Variants in METTL25 observed in about 807,000 individuals in gnomAD.
METTL25 encodes the protein probable methyltransferase-like protein 25.
In METTL25, 64 loss-of-function variants were observed where a neutral mutation model predicts 71.6. That is an observed-to-expected ratio of 0.89 (90% confidence interval 0.73 to 1.10). The LOEUF is 1.10. Among genes scored for constraint, METTL25 ranks in the 50% least tolerant of loss-of-function variants. The pLI, the probability that METTL25 is intolerant of heterozygous loss-of-function variation, is 0.00. For synonymous variants in METTL25, 287 were observed against 250.3 expected (o/e 1.15, Z -1.38); for missense variants, 807 against 707.0 (o/e 1.14, Z -1.60).
intron 6 of METTL25, among the ~76,000 whole-genome samples, chr12:82,431,457 A>G (rs967238005): frequency 6.6e-6 from 1 of 151,688 alleles, no homozygotes; most frequent in Non-Finnish European, 1.5e-5. Context: ...AAATGAGTTA[A>G]ATAATGTAAG....
intron 5 of METTL25, among the ~76,000 whole-genome samples, chr12:82,416,152 G>A (rs112453224): frequency 1.4e-3 from 206 of 152,142 alleles, no homozygotes; most frequent in African/African-American, 4.8e-3. Context: ...TATAATCATC[G>A]TGCTGTGATT....
intron 5 of METTL25, among the ~76,000 whole-genome samples, chr12:82,428,206 C>G (rs1889194974): frequency 6.6e-6 from 1 of 151,870 alleles, no homozygotes; most frequent in South Asian, 2.1e-4. Context: ...ATTCAACTGG[C>G]CACAACCTAC....
intron 9 of METTL25, among the ~76,000 whole-genome samples, chr12:82,460,222 C>T (rs973977880): frequency 1.3e-5 from 2 of 152,120 alleles, no homozygotes; most frequent in African/African-American, 4.8e-5. Flanking sequence ...TCTAGACCCC[C>T]CTTATATAGA....
At chr12:82,434,800 T>A in intron 7 of METTL25, 76 bp downstream of exon 7, 1 of 1,159,796 alleles carries the variant, frequency 8.6e-7, no homozygotes, top group South Asian at 1.3e-5. Flanking sequence ...GCTGATGAAC[T>A]TAAAACCTAA....
chr12:82,450,336 T>C (rs543053420), intron 8 of METTL25, among the ~76,000 whole-genome samples: 1 of 152,336 alleles, frequency 6.6e-6, no homozygotes, highest in Admixed American at 6.5e-5. Context: ...TCCTTGACTC[T>C]TCTTTCTCAC....
intron 5 of METTL25, among the ~76,000 whole-genome samples, chr12:82,409,809 C>G (rs749240394): frequency 2.6e-5 from 4 of 152,028 alleles, no homozygotes; most frequent in Non-Finnish European, 5.9e-5. Flanking sequence ...CCAAAGATTC[C>G]TCCATTTACT....
intron 5 of METTL25, among the ~76,000 whole-genome samples, chr12:82,427,745 G>T (rs891779030): frequency 2.0e-5 from 3 of 151,846 alleles, no homozygotes; most frequent in Non-Finnish European, 4.4e-5. Context: ...TGTTTCCCTT[G>T]TTCCCTGGGT....
intron 5 of METTL25, among the ~76,000 whole-genome samples, chr12:82,427,161 C>A (rs1472602817): frequency 6.6e-6 from 1 of 151,892 alleles, no homozygotes; most frequent in Non-Finnish European, 1.5e-5. Flanking sequence ...TAATCAAAAC[C>A]TAGCTCTTGT....
At chr12:82,467,044 C>A (rs558224482) in intron 9 of METTL25, among the ~76,000 whole-genome samples, 1 of 151,610 alleles carries the variant, frequency 6.6e-6, no homozygotes, top group Non-Finnish European at 1.5e-5. Flanking sequence ...GCCAGAATAT[C>A]TTTTTGTAAT....
intron 5 of METTL25, 131 bp from the exon 6 acceptor site, chr12:82,430,762 A>G: frequency 9.3e-6 from 5 of 534,852 alleles, no homozygotes; most frequent in Non-Finnish European, 1.3e-5. Flanking sequence ...ACTGTTAAAC[A>G]TCACCATTTC....
At chr12:82,392,295 C>T (rs1885667253) in intron 3 of METTL25, among the ~76,000 whole-genome samples, 2 of 147,534 alleles carry the variant, frequency 1.4e-5, no homozygotes, top group African/African-American at 5.0e-5. Flanking sequence ...GTGATGTTCC[C>T]CTTCCTGTGT....
intron 10 of METTL25, among the ~76,000 whole-genome samples, 173 bp downstream of exon 10, chr12:82,476,891 G>C (rs1457376732): frequency 6.6e-6 from 1 of 151,780 alleles, no homozygotes; most frequent in Non-Finnish European, 1.5e-5. Context: ...ATGTAATAAA[G>C]AGAACACATG....
intron 1 of METTL25, among the ~76,000 whole-genome samples, chr12:82,372,059 G>A (rs144957963): frequency 5.8e-4 from 89 of 152,172 alleles, no homozygotes; most frequent in Admixed American, 5.5e-3. Flanking sequence ...CCAAACTCTC[G>A]TGCTGCAGCT....
chr12:82,383,541 G>A (rs1884659708), intron 1 of METTL25, among the ~76,000 whole-genome samples: 1 of 152,030 alleles, frequency 6.6e-6, no homozygotes, highest in South Asian at 2.1e-4. Flanking sequence ...TTATAAAACT[G>A]TCACATGAAA....
At chr12:82,426,216 G>A (rs1339515422) in intron 5 of METTL25, among the ~76,000 whole-genome samples, 6 of 152,030 alleles carry the variant, frequency 3.9e-5, no homozygotes, top group African/African-American at 1.4e-4. Context: ...GACTTTGAGG[G>A]TTTGCTGCCT....
chr12:82,418,784 T>C (rs925848808), intron 5 of METTL25, among the ~76,000 whole-genome samples: 3 of 152,006 alleles, frequency 2.0e-5, no homozygotes, highest in East Asian at 1.9e-4. Flanking sequence ...ATAAGGACTA[T>C]TGTGAAAAAG....
intron 7 of METTL25, among the ~76,000 whole-genome samples, chr12:82,437,085 A>T (rs1889976041): frequency 6.6e-6 from 1 of 151,680 alleles, no homozygotes; most frequent in South Asian, 2.1e-4. Flanking sequence ...CAAGATGAGA[A>T]AATCTCAAAT....
chr12:82,427,001 C>T (rs142908308), intron 5 of METTL25, among the ~76,000 whole-genome samples: 30 of 152,068 alleles, frequency 2.0e-4, no homozygotes, highest in African/African-American at 7.2e-4. Flanking sequence ...ACTCACAGCT[C>T]GTTTCTTATT....
intron 5 of METTL25, among the ~76,000 whole-genome samples, chr12:82,407,289 C>G (rs12099729): frequency 9.1e-4 from 139 of 152,164 alleles, no homozygotes; most frequent in African/African-American, 3.2e-3. Flanking sequence ...AGTCTTGTAT[C>G]CTGCCTGGGT....
Sources: gnomAD v4.1 joint callset for allele counts (sites outside exome capture counted in the v4.1 genomes callset) on GRCh38, gnomAD v4.1.1 for gene constraint, MANE v1.5 for transcripts, NCBI Gene and HGNC (gene_info 2026-07-23, HGNC 2026-07-21) for gene names.